TANK: variants seen among roughly 807,000 people sequenced by gnomAD.
TANK encodes TRAF family member-associated NF-kappa-B activator.
Under a neutral mutation model 43.6 loss-of-function variants are expected in TANK, and 15 were observed. The ratio of observed to expected loss-of-function variants is 0.34; its 90% CI spans 0.23 to 0.53. TANK has a LOEUF of 0.53. Among genes scored for constraint, TANK ranks in the 20% least tolerant of loss-of-function variants. The probability of loss-of-function intolerance (pLI) is 0.94; values close to 1 mark genes in which losing one functional copy is unlikely to be tolerated. For synonymous variants in TANK, 162 were observed against 178.2 expected (o/e 0.91, Z 0.73); for missense variants, 417 against 498.6 (o/e 0.84, Z 1.56).
At chr2:161,235,229 T>C in intron 7 of TANK, 113 bp from the exon 8 acceptor site, 1 of 896,232 alleles carries the variant, frequency 1.1e-6, no homozygotes, top group Non-Finnish European at 1.6e-6. Flanking sequence ...GCTTTTATAT[T>C]AGGGAATTCA....
chr2:161,163,738 G>C (rs1457088156), intron 1 of TANK, among the ~76,000 whole-genome samples: 1 of 152,136 alleles, frequency 6.6e-6, no homozygotes, highest in Non-Finnish European at 1.5e-5. Flanking sequence ...AAATATACAA[G>C]CTTAACATGC....
chr2:161,174,469 C>T (rs1255076110), intron 1 of TANK, among the ~76,000 whole-genome samples: 1 of 152,110 alleles, frequency 6.6e-6, no homozygotes, highest in East Asian at 1.9e-4. Context: ...AACTGGTTTG[C>T]AATCAAGGCT....
chr2:161,229,493 T>A (rs941268731), intron 6 of TANK, among the ~76,000 whole-genome samples: 2 of 152,174 alleles, frequency 1.3e-5, no homozygotes, highest in Non-Finnish European at 2.9e-5. Context: ...GGAAGCAGTT[T>A]AAAGGCTGTT....
chr2:161,177,374 T>TA lies in TANK; in HGVS notation c.-49-2232dup, dbSNP rs567365615. 4.9e-3 allele frequency among the ~76,000 whole-genome samples: 739 copies of TA among 152,058 alleles called. 5 individuals are homozygous for TA. Among genetic ancestry groups the TA allele is most frequent in the Non-Finnish European group, 4.6e-3 (313 of 67,932 alleles). ...TGAAAGATTACTTGCATGTGGGTATTAAAAAAAAGTTGTGATTTATGATCA... is the reference window on the plus strand; with the variant it reads ...TGAAAGATTACTTGCATGTGGGTATTAAAAAAAAAGTTGTGATTTATGATCA... On this transcript the variant is annotated intron_variant, in intron 1 of 7. Coordinates refer to ENST00000392749, the MANE Select transcript of TANK (RefSeq NM_001199135.3).
intron 6 of TANK, among the ~76,000 whole-genome samples, chr2:161,228,392 G>A (rs561698089): frequency 5.3e-5 from 8 of 152,258 alleles, no homozygotes; most frequent in East Asian, 1.9e-4. Context: ...TTAGCCGGGC[G>A]TGGTGACGCA....
At chr2:161,175,290 T>C (rs2105285078) in intron 1 of TANK, among the ~76,000 whole-genome samples, 1 of 152,324 alleles carries the variant, frequency 6.6e-6, no homozygotes, top group East Asian at 1.9e-4. Flanking sequence ...CTGACTCTAA[T>C]GAACAATCCT....
intron 1 of TANK, among the ~76,000 whole-genome samples, chr2:161,179,294 A>G (rs1417269845): frequency 2.0e-5 from 3 of 152,162 alleles, no homozygotes; most frequent in African/African-American, 4.8e-5. Context: ...CCTATTGTAC[A>G]TTTCCATAAT....
intron 1 of TANK, among the ~76,000 whole-genome samples, chr2:161,174,491 A>G (rs1421516471): frequency 6.6e-6 from 1 of 152,214 alleles, no homozygotes; most frequent in Non-Finnish European, 1.5e-5. Context: ...AATTTGTAAC[A>G]TAAATTAAGA....
intron 1 of TANK, chr2:161,139,761 G>A: frequency 2.0e-6 from 2 of 985,346 alleles, no homozygotes; most frequent in Non-Finnish European, 2.4e-6. Context: ...TGAAAACAAT[G>A]TGACATAAGC....
At chr2:161,202,853 A>G (rs938695148) in intron 2 of TANK, 30 of 467,218 alleles carry the variant, frequency 6.4e-5, no homozygotes, top group African/African-American at 6.0e-4. Flanking sequence ...TCATTGCTTT[A>G]TTCTCACAGT....
At chr2:161,173,209 C>T (rs1685028939) in intron 1 of TANK, among the ~76,000 whole-genome samples, 1 of 152,126 alleles carries the variant, frequency 6.6e-6, no homozygotes, top group East Asian at 1.9e-4. Flanking sequence ...ACAGCACAGT[C>T]ATACATGCTG....
At chr2:161,149,124 A>G (rs1242856891) in intron 1 of TANK, among the ~76,000 whole-genome samples, 1 of 152,176 alleles carries the variant, frequency 6.6e-6, no homozygotes, top group Non-Finnish European at 1.5e-5. Flanking sequence ...ATCCATGGAC[A>G]TAGGATGTCT....
At chr2:161,168,891 G>T (rs952763516) in intron 1 of TANK, among the ~76,000 whole-genome samples, 1 of 152,168 alleles carries the variant, frequency 6.6e-6, no homozygotes, top group Non-Finnish European at 1.5e-5. Context: ...CTAGAAGATA[G>T]CATAGCAAAG....
chr2:161,137,406 G>A (rs1683617486), intron 1 of TANK, among the ~76,000 whole-genome samples: 1 of 151,902 alleles, frequency 6.6e-6, no homozygotes, highest in South Asian at 2.1e-4. Flanking sequence ...CCAAGACCAA[G>A]GAAAATTTTA....
At chr2:161,187,054 G>T (rs1485823323) in intron 2 of TANK, among the ~76,000 whole-genome samples, 3 of 152,154 alleles carry the variant, frequency 2.0e-5, no homozygotes, top group Non-Finnish European at 4.4e-5. Context: ...GGAAAAGGGA[G>T]AACACTCATA....
chr2:161,174,262 A>G (rs1276090687), intron 1 of TANK, among the ~76,000 whole-genome samples: 4 of 152,148 alleles, frequency 2.6e-5, no homozygotes, highest in Admixed American at 2.6e-4. Context: ...CAGTCTATTT[A>G]GTAAAGTGTT....
At chr2:161,212,623 C>T (rs1386655411) in intron 4 of TANK, 1 of 985,190 alleles carries the variant, frequency 1.0e-6, no homozygotes, top group Non-Finnish European at 1.2e-6. Context: ...AACTTAGAAG[C>T]AAATTCGAAT....
At chr2:161,185,484 T>C (rs1392245943) in intron 2 of TANK, among the ~76,000 whole-genome samples, 1 of 151,874 alleles carries the variant, frequency 6.6e-6, no homozygotes, top group East Asian at 1.9e-4. Context: ...TTTGGTTTTT[T>C]GTTTTTTTTT....
intron 6 of TANK, among the ~76,000 whole-genome samples, chr2:161,230,321 C>G (rs527864929): frequency 6.6e-6 from 1 of 152,166 alleles, no homozygotes; most frequent in Admixed American, 6.5e-5. Context: ...TTTTGTCTAC[C>G]AGATATTTAC....
Sources: allele counts gnomAD v4.1 joint callset (sites outside exome capture counted in the v4.1 genomes callset), GRCh38; gene constraint gnomAD v4.1.1; transcripts MANE v1.5; gene names NCBI Gene and HGNC (gene_info 2026-07-23, HGNC 2026-07-21).